SAMHD1: variants seen among roughly 807,000 people sequenced by gnomAD.
The protein encoded by SAMHD1 is SAM and HD domain containing deoxynucleoside triphosphate triphosphohydrolase 1, also known as deoxynucleoside triphosphate triphosphohydrolase SAMHD1.
SAMHD1 carries 54 observed loss-of-function variants against 79.6 expected under a neutral mutation model. The ratio of observed to expected loss-of-function variants is 0.68; its 90% CI spans 0.55 to 0.85. SAMHD1 has a LOEUF of 0.85. SAMHD1 is among the 40% of genes least tolerant of loss of function. The pLI is 0.00. For synonymous variants in SAMHD1, 260 were observed against 264.1 expected (o/e 0.98, Z 0.15); for missense variants, 663 against 782.7 (o/e 0.85, Z 1.82).
At chr20:36,934,253 C>T (rs533966352) in intron 4 of SAMHD1, among the ~76,000 whole-genome samples, 40 of 151,732 alleles carry the variant, frequency 2.6e-4, no homozygotes, top group African/African-American at 9.7e-4. Context: ...GGGCTGGGCA[C>T]AGTGGCTCAT....
At chr20:36,911,391 G>A (rs1318827172) in intron 10 of SAMHD1, 58 bp from the exon 11 acceptor site, 2 of 1,045,362 alleles carry the variant, frequency 1.9e-6, no homozygotes, top group Non-Finnish European at 3.0e-6. Flanking sequence ...TTTGCCTTAT[G>A]TCTTACTTAA....
chr20:36,947,913 C>T (rs1258671143), intron 1 of SAMHD1, among the ~76,000 whole-genome samples: 1 of 152,078 alleles, frequency 6.6e-6, no homozygotes, highest in African/African-American at 2.4e-5. Flanking sequence ...CTCAAGTGAT[C>T]TTCCCACACT....
Position 36,897,931 on chromosome 20 carries a change from G to A in SAMHD1, c.1637C>T (p.Ala546Val), listed in dbSNP as rs17855600. The A allele has an allele frequency of 6.2e-7, 1 of 1,614,064 alleles. No individual in the cohort carries two copies. The highest frequency in any genetic ancestry group is 2.2e-5 in the East Asian group (1 of 44,904). The change falls in exon 15 of 16, where the codon GCA (alanine) becomes GTA (valine). Residue 546 changes from alanine (A) to valine (V), a missense_variant. By Grantham distance (64) the Ala-to-Val change is moderately conservative (BLOSUM62 0). Transcript: ENST00000646673. Reference sequence around the variant, plus strand: ...ACAATATACTCGAATCAGCTGCTCTGCAAATTTCTCTGGCAGAAGTTGTGA... The same window carrying A: ...ACAATATACTCGAATCAGCTGCTCTACAAATTTCTCTGGCAGAAGTTGTGA... ...QVSQLLPEKF[A>V]EQLIRVYCKK...
intron 15 of SAMHD1, among the ~76,000 whole-genome samples, chr20:36,896,893 T>C (rs1990209197): frequency 7.0e-6 from 1 of 143,792 alleles, no homozygotes; most frequent in African/African-American, 2.6e-5. Context: ...CTGACAGGTC[T>C]CCTCATGGTC....
chr20:36,893,110 T>C (rs1568756636), intron 15 of SAMHD1, 44 bp from the exon 16 acceptor site: 11 of 1,606,518 alleles, frequency 6.8e-6, no homozygotes, highest in Non-Finnish European at 8.5e-6. Flanking sequence ...GAAAAGCCAG[T>C]TTCCATCATC....
chr20:36,921,521 G>A (rs905751544), intron 6 of SAMHD1, among the ~76,000 whole-genome samples: 7 of 151,660 alleles, frequency 4.6e-5, no homozygotes, highest in Admixed American at 2.0e-4. Context: ...AATATCATTG[G>A]TATTGGCTCA....
chr20:36,943,273 A>C lies in SAMHD1; in HGVS notation c.276-2162T>G, dbSNP rs1236483790. Among the ~76,000 whole-genome samples, 4 of 152,182 alleles carry C rather than the reference A, an allele frequency of 2.6e-5. No individual in the cohort carries two copies. The East Asian group carries it at 7.7e-4, about 29-fold the overall frequency. ...CTGTAAGGCAGCACTGTCTAGTAGA[A>C]CTTTCTGCGATGATGGAAATGTTCT... On this transcript the variant is annotated intron_variant, in intron 2 of 15. Transcript: ENST00000646673.
chr20:36,918,801 CAAAAA>C (rs60403097), intron 7 of SAMHD1, among the ~76,000 whole-genome samples: 4 of 65,460 alleles, frequency 6.1e-5, no homozygotes, highest in Admixed American at 2.2e-4. Flanking sequence ...GACTCTATCT[CAAAAA>C]AAAAAAAAAA....
intron 10 of SAMHD1, chr20:36,911,765 C>G (rs1194325046): frequency 1.1e-5 from 2 of 184,210 alleles, no homozygotes; most frequent in African/African-American, 4.8e-5. Flanking sequence ...TCCAAGTAAT[C>G]TGCTCATGAC....
intron 5 of SAMHD1, among the ~76,000 whole-genome samples, chr20:36,927,863 T>C (rs185423943): frequency 5.5e-4 from 83 of 152,270 alleles, no homozygotes; most frequent in Non-Finnish European, 1.0e-3. Flanking sequence ...TTGTTCAGGC[T>C]GGAGTGCAGT....
At chr20:36,918,839 A>G (rs935165547) in intron 7 of SAMHD1, among the ~76,000 whole-genome samples, 10 of 151,420 alleles carry the variant, frequency 6.6e-5, no homozygotes, top group Admixed American at 2.6e-4. Flanking sequence ...GAAAGAAAGA[A>G]AAGAAAAGAA....
rs2148355946 is a variant in SAMHD1, at chr20:36,898,450, G to A, written c.1598C>T (p.Thr533Ile). The change falls in exon 14 of 16, where the codon ACT (threonine) becomes ATT (isoleucine). Residue 533 changes from threonine to isoleucine, a missense_variant. Transcript: ENST00000646673. ...TGCCTAAGTAGTTACCTGGTTTTTA[G>A]TAATCCTGATTGCTCTGTTGGGGGC... ...KTAPNRAIRI[T>I]KNQVSQLLPE... 1.2e-6 allele frequency: 2 copies of A among 1,612,472 alleles called. No homozygotes were observed. Among genetic ancestry groups the A allele is most frequent in the Non-Finnish European group, 1.7e-6 (2 of 1,178,566 alleles).
At chr20:36,893,424 C>T (rs1468339096) in intron 15 of SAMHD1, 6 of 348,232 alleles carry the variant, frequency 1.7e-5, no homozygotes, top group Non-Finnish European at 3.2e-5. Context: ...GCTTCTCTCT[C>T]GCCTGGTCCC....
chr20:36,946,620 T>G, intron 2 of SAMHD1, 118 bp downstream of exon 2: 6 of 763,432 alleles, frequency 7.9e-6, no homozygotes, highest in East Asian at 2.8e-5. Flanking sequence ...TTCTGCTGTT[T>G]TAAAGCACTT....
At chr20:36,912,249 C>T in intron 10 of SAMHD1, 1 of 541,542 alleles carries the variant, frequency 1.8e-6, no homozygotes, top group Admixed American at 3.1e-5. Flanking sequence ...CCTTTATCCA[C>T]TTCCCTCCAT....
chr20:36,905,273 G>T, intron 12 of SAMHD1, 91 bp downstream of exon 12: 1 of 1,358,522 alleles, frequency 7.4e-7, no homozygotes, highest in Non-Finnish European at 1.1e-6. Context: ...AAAGCACTTA[G>T]TACAGAGTCA....
chr20:36,911,133 AG>A, intron 11 of SAMHD1, 84 bp downstream of exon 11: 1 of 767,758 alleles, frequency 1.3e-6, no homozygotes. Context: ...GAAAAATAAA[AG>A]AAAGAAAAAT....
chr20:36,947,551 GGTGTGTGT>G lies in SAMHD1; in HGVS notation c.209-755_209-748del, dbSNP rs71186095. Among the ~76,000 whole-genome samples, 107 of 75,772 alleles carry G rather than the reference GGTGTGTGT, an allele frequency of 1.4e-3. 2 individuals carry two copies. Among genetic ancestry groups the G allele is most frequent in the Non-Finnish European group, 2.0e-3 (82 of 41,064 alleles). 49.7% of individuals were successfully genotyped at this position (75,772 alleles called of 152,430 possible). Reference sequence around the variant, plus strand: ...ACTCAATACTCTGATTTGGAAGAGGGGTGTGTGTGTGTGTGTGTGTGTGTGTGTGTGTG... The same window carrying G: ...ACTCAATACTCTGATTTGGAAGAGGGGTGTGTGTGTGTGTGTGTGTGTGTG... On this transcript the variant is annotated intron_variant, in intron 1 of 15. Transcript: ENST00000646673.
At chr20:36,942,650 C>G (rs1351314309) in intron 2 of SAMHD1, among the ~76,000 whole-genome samples, 1 of 56,784 alleles carries the variant, frequency 1.8e-5, no homozygotes, top group Non-Finnish European at 3.0e-5. Flanking sequence ...TTCTATCTAA[C>G]TTCTTTTTTT....
Sources: gnomAD v4.1 joint callset for allele counts (sites outside exome capture counted in the v4.1 genomes callset) on GRCh38, gnomAD v4.1.1 for gene constraint, MANE v1.5 for transcripts, NCBI Gene and HGNC (gene_info 2026-07-23, HGNC 2026-07-21) for gene names.